The following ZFHX3 variants were observed in gnomAD, a reference collection of about 807,000 sequenced individuals.
ZFHX3 encodes the protein zinc finger homeobox protein 3.
Under a neutral mutation model 279.1 loss-of-function variants are expected in ZFHX3, and 42 were observed. The ratio of observed to expected loss-of-function variants is 0.15; its 90% confidence interval spans 0.12 to 0.19. The LOEUF (loss-of-function observed/expected upper bound fraction) is 0.19. Ranked by LOEUF, ZFHX3 falls within the 10% of genes least tolerant of loss-of-function variation. The pLI, the probability that ZFHX3 is intolerant of heterozygous loss-of-function variation, is 1.00. For missense variants in ZFHX3, 4,981 were observed against 4,754.0 expected (o/e 1.05, Z -1.40); for synonymous variants, 2,293 against 1,957.8 (o/e 1.17, Z -4.52).
intron 1 of ZFHX3, among the ~76,000 whole-genome samples, chr16:73,802,202 T>C (rs925071390): frequency 5.3e-5 from 8 of 151,956 alleles, no homozygotes; most frequent in Admixed American, 4.6e-4. Context: ...AAAACCCCAC[T>C]CCCAGGATGA....
Position 73,881,638 on chromosome 16 carries a change from T to G in ZFHX3, c.-1608+10013A>C, listed in dbSNP as rs373150985. On this transcript the variant is annotated intron_variant, in intron 1 of 17. Transcript: ENST00000641206. ...TAACTGTCAGCATCTTGATATATTC[T>G]GGATATTTGCTAGGGTTCCCACTAC... Among the ~76,000 whole-genome samples, 57 of 152,112 alleles carry G rather than the reference T, an allele frequency of 3.7e-4. 2 individuals carry two copies. In the South Asian group the frequency reaches 0.011, roughly 31 times the overall value.
chr16:73,724,949 T>C (rs1349070189), intron 1 of ZFHX3, among the ~76,000 whole-genome samples: 1 of 152,130 alleles, frequency 6.6e-6, no homozygotes, highest in Non-Finnish European at 1.5e-5. Context: ...AAATCACTCA[T>C]GCCATAAAAG....
chr16:72,849,860 CAAAAAAAAAAAAAAAAAAAAAAAAAAAAA>C (rs542156633), intron 4 of ZFHX3, among the ~76,000 whole-genome samples: 27 of 56,552 alleles, frequency 4.8e-4, no homozygotes, highest in South Asian at 3.2e-3. Flanking sequence ...GTTCACCTAC[CAAAAAAAAAAAAAAAAAAAAAAAAAAAAA>C]AAAAAAAAAA....
chr16:73,144,434 A>C (rs118128174), intron 5 of ZFHX3: 1 of 152,366 alleles, frequency 6.6e-6, no homozygotes, highest in Non-Finnish European at 1.5e-5. Flanking sequence ...TGGAATCAAT[A>C]TCTTTACAAA....
At chr16:73,784,572 C>T (rs904468556) in intron 1 of ZFHX3, among the ~76,000 whole-genome samples, 2 of 151,646 alleles carry the variant, frequency 1.3e-5, no homozygotes, top group African/African-American at 4.8e-5. Context: ...CATGGTGAAA[C>T]CCCATCTCTA....
chr16:72,811,877 C>T, intron 6 of ZFHX3, 28 bp downstream of exon 6: 2 of 1,611,488 alleles, frequency 1.2e-6, no homozygotes, highest in Non-Finnish European at 1.7e-6. Flanking sequence ...CCTCACCTCC[C>T]CACCAGCAGA....
At chr16:73,643,522 T>G (rs2052591665) in intron 2 of ZFHX3, among the ~76,000 whole-genome samples, 1 of 152,226 alleles carries the variant, frequency 6.6e-6, no homozygotes. Flanking sequence ...CTATATACAT[T>G]TGCAGTCAAT....
chr16:73,192,780 G>T (rs1344320500), intron 5 of ZFHX3, among the ~76,000 whole-genome samples: 1 of 152,196 alleles, frequency 6.6e-6, no homozygotes, highest in African/African-American at 2.4e-5. Flanking sequence ...CCTCAGAGAA[G>T]GTGGAAGGCA....
intron 3 of ZFHX3, among the ~76,000 whole-genome samples, chr16:73,422,379 C>T (rs1182967432): frequency 6.6e-6 from 1 of 152,150 alleles, no homozygotes; most frequent in Non-Finnish European, 1.5e-5. Flanking sequence ...ACCACTCATG[C>T]TAAACTTATT....
chr16:73,506,649 T>TGTA (rs1291741635), intron 2 of ZFHX3, among the ~76,000 whole-genome samples: 1 of 152,154 alleles, frequency 6.6e-6, no homozygotes, highest in Non-Finnish European at 1.5e-5. Context: ...CTTCACCACA[T>TGTA]GTAGCCCTGA....
At chr16:73,734,484 G>A (rs115889139) in intron 1 of ZFHX3, among the ~76,000 whole-genome samples, 2,214 of 152,158 alleles carry the variant, frequency 0.015, 50 homozygotes, top group African/African-American at 0.05. Context: ...TTCCCTGAAT[G>A]ACAGCAATAA....
intron 2 of ZFHX3, among the ~76,000 whole-genome samples, chr16:73,570,169 T>C (rs1242473830): frequency 6.6e-6 from 1 of 152,218 alleles, no homozygotes; most frequent in Admixed American, 6.5e-5. Context: ...GAAATACACT[T>C]GCTCTGCCGT....
intron 1 of ZFHX3, among the ~76,000 whole-genome samples, chr16:73,009,876 C>G (rs1963850482): frequency 6.6e-6 from 1 of 152,106 alleles, no homozygotes; most frequent in Admixed American, 6.5e-5. Flanking sequence ...AAAAAATTAG[C>G]AGGGTGTGGT....
chr16:73,084,995 A>G (rs181105148), intron 8 of ZFHX3, among the ~76,000 whole-genome samples: 1 of 152,148 alleles, frequency 6.6e-6, no homozygotes, highest in Non-Finnish European at 1.5e-5. Flanking sequence ...TACAGACTCA[A>G]TGCAACCCTT....
chr16:73,841,934 G>T (rs1224152375), intron 1 of ZFHX3, among the ~76,000 whole-genome samples: 1 of 147,650 alleles, frequency 6.8e-6, no homozygotes, highest in Admixed American at 6.6e-5. Flanking sequence ...AATGATCACA[G>T]TCAGGTGCGG....
intron 4 of ZFHX3, among the ~76,000 whole-genome samples, chr16:73,314,406 C>T (rs62054758): frequency 0.12 from 17,973 of 152,182 alleles, 1,162 homozygotes; most frequent in South Asian, 0.24. Flanking sequence ...CTGCAGAACC[C>T]TAAAATAGGT....
chr16:72,946,697 G>A (rs752932325), intron 3 of ZFHX3, among the ~76,000 whole-genome samples: 1 of 152,170 alleles, frequency 6.6e-6, no homozygotes, highest in African/African-American at 2.4e-5. Flanking sequence ...CTCAGACGCA[G>A]GCTGTACACT....
At chr16:73,839,521 A>G (rs1004553187) in intron 1 of ZFHX3, among the ~76,000 whole-genome samples, 1 of 152,150 alleles carries the variant, frequency 6.6e-6, no homozygotes, top group Non-Finnish European at 1.5e-5. Flanking sequence ...TATGATGAAA[A>G]AATCAAATCA....
intron 1 of ZFHX3, among the ~76,000 whole-genome samples, chr16:73,012,065 A>T (rs1431151132): frequency 6.6e-6 from 1 of 152,212 alleles, no homozygotes; most frequent in Non-Finnish European, 1.5e-5. Flanking sequence ...ATTACAGTCA[A>T]ATGTCACAGC....
Sources: gnomAD v4.1 joint callset for allele counts (sites outside exome capture counted in the v4.1 genomes callset) on GRCh38, gnomAD v4.1.1 for gene constraint, MANE v1.5 for transcripts, NCBI Gene and HGNC (gene_info 2026-07-23, HGNC 2026-07-21) for gene names.